The following RYR2 variants were observed in gnomAD, a reference collection of about 807,000 sequenced individuals.
RYR2 encodes cardiac muscle ryanodine receptor-calcium release channel.
A neutral mutation model predicts 601.1 loss-of-function variants in RYR2; 227 were observed. The observed-to-expected ratio is 0.38, with a 90% CI of 0.34 to 0.42. The LOEUF (loss-of-function observed/expected upper bound fraction) is 0.42. RYR2 is among the 10% of genes least tolerant of loss of function. The pLI, the probability that RYR2 is intolerant of heterozygous loss-of-function variation, is 1.00. For synonymous variants in RYR2, 2,223 were observed against 2,175.1 expected, an observed-to-expected ratio of 1.02 and a Z score of -0.61; for missense variants, 4,646 against 6,156.5, an observed-to-expected ratio of 0.75 and a Z score of 8.21.
intron 51 of RYR2, among the ~76,000 whole-genome samples, chr1:237,652,140 T>G (rs968593406): frequency 2.6e-5 from 4 of 152,184 alleles, no homozygotes; most frequent in Non-Finnish European, 5.9e-5. Context: ...CCTCGAGAGA[T>G]AAAGACGAGG....
chr1:237,521,986 T>G (rs1414706006), intron 24 of RYR2, among the ~76,000 whole-genome samples: 1 of 152,144 alleles, frequency 6.6e-6, no homozygotes, highest in Admixed American at 6.5e-5. Context: ...TTTCTTTTTT[T>G]ATTATACTTT....
chr1:237,770,959 C>A, intron 85 of RYR2, 72 bp downstream of exon 85: 1 of 853,706 alleles, frequency 1.2e-6, no homozygotes. Flanking sequence ...ATAACAAGAG[C>A]CTGTTAGTTC....
At chr1:237,285,658 C>G (rs1691478744) in intron 2 of RYR2, among the ~76,000 whole-genome samples, 1 of 152,034 alleles carries the variant, frequency 6.6e-6, no homozygotes, top group Non-Finnish European at 1.5e-5. Context: ...TGGTCCTGGA[C>G]ATTTTTGTTG....
rs114509404 is a variant in RYR2, at chr1:237,514,103, G to A, written c.2822+2312G>A. On this transcript the variant is annotated intron_variant, in intron 24 of 104. Transcript: ENST00000366574. ...ATCTCTGATCTTCCTTTGCGCTCTTGACATGAGGCTTGTATATTTAGCTTA... is the reference window on the plus strand; with the variant it reads ...ATCTCTGATCTTCCTTTGCGCTCTTAACATGAGGCTTGTATATTTAGCTTA... Among the ~76,000 whole-genome samples the A allele has an allele frequency of 2.7e-3, 418 of 152,304 alleles. 2 individuals are homozygous for A. Among genetic ancestry groups the A allele is most frequent in the Middle Eastern group, 0.017 (5 of 294 alleles).
intron 27 of RYR2, among the ~76,000 whole-genome samples, chr1:237,562,382 A>T (rs1671545605): frequency 6.6e-6 from 1 of 152,216 alleles, no homozygotes; most frequent in Admixed American, 6.5e-5. Context: ...TTGTAACTTA[A>T]GATTTTAATG....
At chr1:237,532,984 T>C (rs965660342) in intron 25 of RYR2, among the ~76,000 whole-genome samples, 3 of 152,188 alleles carry the variant, frequency 2.0e-5, no homozygotes, top group Admixed American at 2.0e-4. Context: ...AGATGATAGA[T>C]TGATAGCTAG....
intron 2 of RYR2, among the ~76,000 whole-genome samples, chr1:237,316,624 T>C (rs932120239): frequency 2.0e-5 from 3 of 152,218 alleles, no homozygotes; most frequent in Non-Finnish European, 4.4e-5. Context: ...TTGTTTCAGG[T>C]TTAAAACTAT....
intron 1 of RYR2, among the ~76,000 whole-genome samples, chr1:237,045,847 G>T (rs1280791918): frequency 7.4e-6 from 1 of 135,692 alleles, no homozygotes; most frequent in Admixed American, 7.4e-5. Context: ...GAAAACCATG[G>T]TATAAAATGA....
intron 1 of RYR2, among the ~76,000 whole-genome samples, chr1:237,254,473 G>T (rs1687758983): frequency 2.0e-5 from 3 of 152,144 alleles, no homozygotes; most frequent in Admixed American, 6.5e-5. Flanking sequence ...GATATTTTCA[G>T]TGTCCTTACT....
intron 1 of RYR2, among the ~76,000 whole-genome samples, chr1:237,139,737 T>C (rs1673177426): frequency 6.6e-6 from 1 of 152,256 alleles, no homozygotes; most frequent in Non-Finnish European, 1.5e-5. Flanking sequence ...ACTGTCTTCA[T>C]TACCACTAAC....
chr1:237,711,669 G>C lies in RYR2; in HGVS notation c.10231-76G>C. ...TTAATACTTATCTCTGTAAAAACTT[G>C]CAGGTTCTGTGTAACCTCTAATTAC... On this transcript the variant is annotated intron_variant, in intron 70 of 104. Transcript: ENST00000366574. 4.2e-6 allele frequency: 3 copies of C among 710,976 alleles called. 1 individual carries two copies. In the South Asian group the frequency reaches 4.9e-5, roughly 12 times the overall value. The allele number at this position is 710,976 out of a possible 1,614,324, so 44.0% of individuals were successfully genotyped here.
At chr1:237,147,620 T>A (rs573676424) in intron 1 of RYR2, among the ~76,000 whole-genome samples, 30 of 152,356 alleles carry the variant, frequency 2.0e-4, no homozygotes, top group African/African-American at 6.5e-4. Context: ...CACTAAGAGA[T>A]GTCTGCCAAC....
At chr1:237,511,578 CTGGG>C (rs1665905462) in intron 23 of RYR2, 106 bp from the exon 24 acceptor site, 1 of 790,568 alleles carries the variant, frequency 1.3e-6, no homozygotes, top group Admixed American at 2.0e-5. Flanking sequence ...GGGTAATGAT[CTGGG>C]TGTTTCTTCT....
In RYR2 at chr1:237,830,664, C is replaced by G. The variant is rs757166535; in HGVS notation, c.14756+34C>G. Reference sequence around the variant, plus strand: ...GCCCGTTTCAGAATCTTCCACCTCTCCAGTAGACGCCACTGGTCCCTGCCC... The same window carrying G: ...GCCCGTTTCAGAATCTTCCACCTCTGCAGTAGACGCCACTGGTCCCTGCCC... On this transcript the variant is annotated intron_variant, in intron 103 of 104. Transcript: ENST00000366574. The G allele has an allele frequency of 2.9e-6, 3 of 1,045,624 alleles. No homozygotes were observed. In the South Asian group the frequency reaches 3.9e-5, roughly 14 times the overall value. 64.8% of individuals were successfully genotyped at this position (1,045,624 alleles called of 1,614,324 possible). A position where few individuals can be genotyped will look rare whatever the true frequency, so the allele number is the denominator to read the frequency against.
chr1:237,547,769 T>C (rs1355315052), intron 25 of RYR2, among the ~76,000 whole-genome samples: 1 of 152,244 alleles, frequency 6.6e-6, no homozygotes, highest in Admixed American at 6.5e-5. Context: ...CGATAATACC[T>C]TCTCTCTCCA....
At chr1:237,604,226 C>T (rs1371717609) in intron 35 of RYR2, among the ~76,000 whole-genome samples, 1 of 152,222 alleles carries the variant, frequency 6.6e-6, no homozygotes. Context: ...AACTGTCTCT[C>T]AGACCACAGT....
intron 38 of RYR2, among the ~76,000 whole-genome samples, chr1:237,619,700 C>T (rs1477211847): frequency 3.3e-5 from 5 of 151,714 alleles, no homozygotes; most frequent in East Asian, 1.9e-4. Context: ...AAATTAAAGA[C>T]GGAGTCTTTA....
chr1:237,282,624 AAGG>A (rs1340595696), intron 2 of RYR2, among the ~76,000 whole-genome samples: 7 of 152,194 alleles, frequency 4.6e-5, no homozygotes, highest in Non-Finnish European at 1.0e-4. Flanking sequence ...TAAAGCTGGG[AAGG>A]AGAATACTTA....
chr1:237,378,576 A>C (rs1236957517), intron 8 of RYR2, among the ~76,000 whole-genome samples: 1 of 152,218 alleles, frequency 6.6e-6, no homozygotes, highest in African/African-American at 2.4e-5. Flanking sequence ...CAAAAATCTG[A>C]AATAGGGCAT....
Sources: allele counts gnomAD v4.1 joint callset (sites outside exome capture counted in the v4.1 genomes callset), GRCh38; gene constraint gnomAD v4.1.1; transcripts MANE v1.5; gene names NCBI Gene and HGNC (gene_info 2026-07-23, HGNC 2026-07-21).